GRID2: variants seen among roughly 807,000 people sequenced by gnomAD.
The protein encoded by GRID2 is glutamate receptor ionotropic, delta-2.
A neutral mutation model predicts 114.8 loss-of-function variants in GRID2; 33 were observed. That is an observed-to-expected ratio of 0.29 (90% CI 0.22 to 0.38). The LOEUF (loss-of-function observed/expected upper bound fraction) is 0.38, where lower values mean the gene tolerates loss of function less well. Ranked by LOEUF, GRID2 falls within the 10% of genes least tolerant of loss-of-function variation. The pLI is 1.00. For synonymous variants in GRID2, 505 were observed against 449.9 expected, an observed-to-expected ratio of 1.12 and a Z score of -1.55; for missense variants, 1,184 against 1,257.7, an observed-to-expected ratio of 0.94 and a Z score of 0.89.
intron 1 of GRID2, among the ~76,000 whole-genome samples, chr4:92,569,747 T>C (rs893105504): frequency 1.3e-5 from 2 of 152,182 alleles, no homozygotes; most frequent in East Asian, 1.9e-4. Flanking sequence ...TTCATGTTTT[T>C]TGGCTACATG....
chr4:92,948,950 C>T (rs944050225), intron 2 of GRID2, among the ~76,000 whole-genome samples: 30 of 151,748 alleles, frequency 2.0e-4, no homozygotes, highest in African/African-American at 6.8e-4. Context: ...GAAGAAACTT[C>T]CTCCAGTCAA....
intron 1 of GRID2, among the ~76,000 whole-genome samples, chr4:92,458,391 G>T (rs1721320525): frequency 6.6e-6 from 1 of 151,992 alleles, no homozygotes. Flanking sequence ...TCATCCTCAG[G>T]AACCTTATCT....
rs867354215 is a variant in GRID2, at chr4:93,632,868, T to G, written c.2360+6433T>G. Among the ~76,000 whole-genome samples the G allele has an allele frequency of 9.8e-5, 15 of 152,312 alleles. No individual in the cohort carries two copies. In the Middle Eastern group the frequency reaches 0.01, roughly 104 times the overall value. ...CCATGAGCATGGAATGTTCTTCCAT[T>G]TGTTTGTGTCCTCTTTTATTTTGTT... On this transcript the variant is annotated intron_variant, in intron 14 of 15. Coordinates refer to ENST00000282020, the MANE Select transcript of GRID2 (RefSeq NM_001510.4).
At chr4:93,111,751 C>CTT (rs9307121) in intron 4 of GRID2, among the ~76,000 whole-genome samples, 2,999 of 131,398 alleles carry the variant, frequency 0.023, 128 homozygotes, top group African/African-American at 0.074. Context: ...TTGTTTAATA[C>CTT]TTTTTTTTTT....
intron 8 of GRID2, among the ~76,000 whole-genome samples, chr4:93,323,394 C>T (rs1468765847): frequency 6.6e-6 from 1 of 151,994 alleles, no homozygotes; most frequent in Non-Finnish European, 1.5e-5. Context: ...CTGTTCTGTT[C>T]CATTGGTCTA....
intron 2 of GRID2, among the ~76,000 whole-genome samples, chr4:92,987,983 A>T (rs1421171754): frequency 1.3e-5 from 2 of 152,150 alleles, no homozygotes; most frequent in African/African-American, 2.4e-5. Context: ...TGTGTTACAG[A>T]CTTAAAATTT....
intron 1 of GRID2, among the ~76,000 whole-genome samples, chr4:92,536,725 C>T (rs1030636597): frequency 6.6e-5 from 10 of 151,900 alleles, no homozygotes; most frequent in African/African-American, 2.4e-4. Flanking sequence ...TCTTATATGC[C>T]TCTTGCTCAC....
At chr4:93,371,027 A>C (rs1409935649) in intron 8 of GRID2, among the ~76,000 whole-genome samples, 1 of 152,204 alleles carries the variant, frequency 6.6e-6, no homozygotes, top group Non-Finnish European at 1.5e-5. Flanking sequence ...CAATATGGAG[A>C]CACTCCATTG....
At chr4:92,731,441 T>G (rs1008260459) in intron 2 of GRID2, among the ~76,000 whole-genome samples, 1 of 151,912 alleles carries the variant, frequency 6.6e-6, no homozygotes, top group African/African-American at 2.4e-5. Context: ...ACCTTGGCAA[T>G]CTAAGAAAAT....
chr4:92,483,221 C>T (rs1219562595), intron 1 of GRID2, among the ~76,000 whole-genome samples: 1 of 151,992 alleles, frequency 6.6e-6, no homozygotes, highest in African/African-American at 2.4e-5. Context: ...GCCTGAAGTC[C>T]CAGCTACTCA....
chr4:92,666,691 A>T (rs1323844037), intron 2 of GRID2, among the ~76,000 whole-genome samples: 12 of 93,546 alleles, frequency 1.3e-4, no homozygotes, highest in African/African-American at 4.1e-5. Context: ...CTGAGCCTGC[A>T]TTTCTCCCTG....
At chr4:92,697,710 A>C (rs1405222221) in intron 2 of GRID2, among the ~76,000 whole-genome samples, 2 of 152,172 alleles carry the variant, frequency 1.3e-5, no homozygotes, top group African/African-American at 4.8e-5. Context: ...AAAATAGAAA[A>C]AAAGACTAAG....
At chr4:92,631,399 G>A (rs1035294714) in intron 2 of GRID2, among the ~76,000 whole-genome samples, 2 of 152,012 alleles carry the variant, frequency 1.3e-5, no homozygotes, top group Non-Finnish European at 2.9e-5. Context: ...TATTTTACCT[G>A]TAAATAACAG....
At chr4:93,373,645 G>A (rs1763124648) in intron 8 of GRID2, among the ~76,000 whole-genome samples, 1 of 152,168 alleles carries the variant, frequency 6.6e-6, no homozygotes, top group Non-Finnish European at 1.5e-5. Flanking sequence ...AATCTTTGCT[G>A]TAATAGTTAT....
At chr4:93,684,196 C>G (rs1483567360) in intron 14 of GRID2, among the ~76,000 whole-genome samples, 1 of 151,862 alleles carries the variant, frequency 6.6e-6, no homozygotes, top group Non-Finnish European at 1.5e-5. Context: ...TCTGTATTTT[C>G]CAAATTTGTA....
chr4:93,713,030 TC>T (rs2110172084), intron 14 of GRID2, among the ~76,000 whole-genome samples: 2 of 152,250 alleles, frequency 1.3e-5, no homozygotes, highest in Admixed American at 6.5e-5. Flanking sequence ...TGAGCCATTT[TC>T]CTGAATATAA....
At chr4:93,523,770 T>C (rs766331979) in intron 13 of GRID2, among the ~76,000 whole-genome samples, 3 of 152,084 alleles carry the variant, frequency 2.0e-5, no homozygotes, top group Non-Finnish European at 2.9e-5. Flanking sequence ...CTTGAGGGCA[T>C]TGCTTCCCAC....
intron 2 of GRID2, among the ~76,000 whole-genome samples, chr4:92,633,674 G>T (rs1730921291): frequency 6.6e-6 from 1 of 152,026 alleles, no homozygotes; most frequent in African/African-American, 2.4e-5. Context: ...TGATTTTGGG[G>T]TACAGCTTGT....
At position 92,551,953 on chromosome 4, in the gene GRID2, G is replaced by A. The variant is rs1726613718; in HGVS notation, c.89-38178G>A. Among the ~76,000 whole-genome samples, 3 of 152,166 alleles carry A rather than the reference G, an allele frequency of 2.0e-5. No homozygotes were observed. The South Asian group carries it at 6.2e-4, about 32-fold the overall frequency. ...AAAAGAGCTGAGGAAAGTCAGTTAT[G>A]ATGTAAAACCTAAGATAAAGGCAAA... On this transcript the variant is annotated intron_variant, in intron 1 of 15. Coordinates refer to ENST00000282020, the MANE Select transcript of GRID2 (RefSeq NM_001510.4).
Sources: allele counts gnomAD v4.1 joint callset (sites outside exome capture counted in the v4.1 genomes callset), GRCh38; gene constraint gnomAD v4.1.1; transcripts MANE v1.5; gene names NCBI Gene and HGNC (gene_info 2026-07-23, HGNC 2026-07-21).